The following EYA4 variants were observed in gnomAD, a reference collection of about 807,000 sequenced individuals.
EYA4 encodes the protein protein phosphatase EYA4.
In EYA4, 31 loss-of-function variants were observed where a neutral mutation model predicts 87.9. The observed-to-expected ratio is 0.35, with a 90% CI of 0.27 to 0.48. The LOEUF is 0.48. EYA4 is among the 20% of genes least tolerant of loss of function. The probability of loss-of-function intolerance (pLI) is 0.99; values close to 1 mark genes in which losing one functional copy is unlikely to be tolerated. For synonymous variants in EYA4, 263 were observed against 270.6 expected, an observed-to-expected ratio of 0.97 and a Z score of 0.28; for missense variants, 678 against 761.4, an observed-to-expected ratio of 0.89 and a Z score of 1.29.
At chr6:133,338,660 C>G (rs1292820664) in intron 2 of EYA4, among the ~76,000 whole-genome samples, 1 of 152,134 alleles carries the variant, frequency 6.6e-6, no homozygotes, top group African/African-American at 2.4e-5. Context: ...TACTTTTACC[C>G]ACTGTCACAA....
chr6:133,299,925 C>CTCTA (rs10588311), intron 2 of EYA4, among the ~76,000 whole-genome samples: 3,314 of 142,662 alleles, frequency 0.023, 46 homozygotes, highest in South Asian at 0.045. Context: ...ATATAAAGAT[C>CTCTA]TCTATCTATC....
intron 2 of EYA4, among the ~76,000 whole-genome samples, chr6:133,380,664 A>G (rs1786112171): frequency 6.6e-6 from 1 of 152,188 alleles, no homozygotes; most frequent in South Asian, 2.1e-4. Context: ...AACCAGTAGG[A>G]AAGAAGGTTC....
Position 133,515,622 on chromosome 6 carries a change from A to AGT in EYA4, c.1616+220_1616+221dup, listed in dbSNP as rs72318662. Among the ~76,000 whole-genome samples the AGT allele has an allele frequency of 0.012, 1,701 of 146,718 alleles. 10 individuals are homozygous for AGT. Among genetic ancestry groups the AGT allele is most frequent in the Middle Eastern group, 0.024 (7 of 288 alleles). On this transcript the variant is annotated intron_variant, in intron 17 of 19. Transcript: ENST00000355286. ...GAGAGAGAGAGAGAGTGTGTGTGTG[A>AGT]GTGTGTGTGTGTGTGTGTGTGTGTG... is the stretch of plus-strand genomic sequence containing the variant.
At chr6:133,524,227 A>C (rs1800433068) in intron 18 of EYA4, among the ~76,000 whole-genome samples, 1 of 152,200 alleles carries the variant, frequency 6.6e-6, no homozygotes, top group Non-Finnish European at 1.5e-5. Flanking sequence ...TTTACAGCAG[A>C]ATAAACATTT....
intron 10 of EYA4, among the ~76,000 whole-genome samples, chr6:133,467,378 A>G (rs900153012): frequency 4.6e-5 from 7 of 152,094 alleles, no homozygotes; most frequent in African/African-American, 1.7e-4. Context: ...ACCACATAAG[A>G]GAGTATAAGG....
intron 17 of EYA4, among the ~76,000 whole-genome samples, chr6:133,518,574 T>C (rs976781668): frequency 6.6e-6 from 1 of 152,206 alleles, no homozygotes; most frequent in African/African-American, 2.4e-5. Context: ...CCTCTGACCC[T>C]AATTATTCTG....
At chr6:133,520,144 G>C (rs967110826) in intron 17 of EYA4, among the ~76,000 whole-genome samples, 27 of 152,174 alleles carry the variant, frequency 1.8e-4, no homozygotes, top group Admixed American at 6.5e-5. Context: ...GGGCAATTAG[G>C]CAGGAGAAAG....
chr6:133,290,843 C>G (rs1203447973), intron 2 of EYA4, among the ~76,000 whole-genome samples: 1 of 152,136 alleles, frequency 6.6e-6, no homozygotes, highest in Non-Finnish European at 1.5e-5. Flanking sequence ...AACCTTCACA[C>G]AAATTTGAAA....
chr6:133,515,432 C>G lies in EYA4; in HGVS notation c.1613C>G (p.Thr538Ser). Reference sequence around the variant, plus strand: ...CTTAAGTCTTTATCAATTATTAGCACTAGGTAAGTGGAATTGTTACCTTTC... The same window carrying G: ...CTTAAGTCTTTATCAATTATTAGCAGTAGGTAAGTGGAATTGTTACCTTTC... ...NALKSLSIIS[T>S]RSNCINVLVT... The change falls in exon 17 of 20, where the codon ACT becomes AGT. Residue 538 changes from threonine (T) to serine (S), a missense_variant. Thr to Ser is a moderately conservative substitution (Grantham distance 58). Coordinates refer to ENST00000355286, the MANE Select transcript of EYA4 (RefSeq NM_004100.5). 6.6e-7 allele frequency: 1 copy of G among 1,519,540 alleles called. No individual in the cohort carries two copies. Among genetic ancestry groups the G allele is most frequent in the Non-Finnish European group, 9.1e-7 (1 of 1,093,760 alleles). The allele number at this position is 1,519,540 out of a possible 1,614,324, so 94.1% of individuals were successfully genotyped here.
At chr6:133,470,003 T>C (rs968648442) in intron 11 of EYA4, among the ~76,000 whole-genome samples, 9 of 151,278 alleles carry the variant, frequency 5.9e-5, no homozygotes, top group Non-Finnish European at 1.3e-4. Flanking sequence ...CTTTGTCAGA[T>C]GAGTAGGTTG....
At chr6:133,508,819 A>G (rs79506917) in intron 14 of EYA4, among the ~76,000 whole-genome samples, 6,980 of 152,264 alleles carry the variant, frequency 0.046, 230 homozygotes, top group Non-Finnish European at 0.07. Context: ...ATGTATTTCA[A>G]AAATACCTGG....
chr6:133,320,376 C>T (rs1376526026), intron 2 of EYA4, among the ~76,000 whole-genome samples: 4 of 151,984 alleles, frequency 2.6e-5, no homozygotes, highest in African/African-American at 7.2e-5. Flanking sequence ...TATAAATGCT[C>T]ACTGAATAAT....
intron 2 of EYA4, among the ~76,000 whole-genome samples, chr6:133,301,036 G>A (rs932883107): frequency 8.5e-5 from 13 of 152,082 alleles, no homozygotes; most frequent in African/African-American, 2.9e-4. Flanking sequence ...TTGACTTTTC[G>A]TATCATGTGT....
chr6:133,345,936 T>C (rs965420991), intron 2 of EYA4, among the ~76,000 whole-genome samples: 1 of 152,190 alleles, frequency 6.6e-6, no homozygotes, highest in Admixed American at 6.5e-5. Context: ...GTTATTTGAA[T>C]GCTGGTTACT....
intron 16 of EYA4, among the ~76,000 whole-genome samples, chr6:133,513,784 A>T (rs1799364072): frequency 6.6e-6 from 1 of 152,162 alleles, no homozygotes; most frequent in Admixed American, 6.5e-5. Flanking sequence ...GTCACATCAG[A>T]TTAATCTCCC....
At chr6:133,354,234 T>G (rs1417786321) in intron 2 of EYA4, among the ~76,000 whole-genome samples, 1 of 152,178 alleles carries the variant, frequency 6.6e-6, no homozygotes, top group Non-Finnish European at 1.5e-5. Flanking sequence ...TCACTGAAAT[T>G]CTTGAGTAAG....
At chr6:133,283,596 C>G (rs1347944425) in intron 2 of EYA4, among the ~76,000 whole-genome samples, 1 of 152,062 alleles carries the variant, frequency 6.6e-6, no homozygotes, top group African/African-American at 2.4e-5. Flanking sequence ...GTTTAGGTAT[C>G]TTATTCAGGG....
chr6:133,284,999 TG>T (rs1410998595), intron 2 of EYA4, among the ~76,000 whole-genome samples: 3 of 150,924 alleles, frequency 2.0e-5, no homozygotes, highest in Admixed American at 6.6e-5. Context: ...TTTTTTTTTT[TG>T]TTTGTTTGTT....
At chr6:133,316,558 A>T (rs147557862) in intron 2 of EYA4, among the ~76,000 whole-genome samples, 9 of 152,194 alleles carry the variant, frequency 5.9e-5, no homozygotes, top group Non-Finnish European at 1.3e-4. Flanking sequence ...ATTGACTTCA[A>T]CCTACCAATT....
Sources: gnomAD v4.1 joint callset for allele counts (sites outside exome capture counted in the v4.1 genomes callset) on GRCh38, gnomAD v4.1.1 for gene constraint, MANE v1.5 for transcripts, NCBI Gene and HGNC (gene_info 2026-07-23, HGNC 2026-07-21) for gene names.